Variants in PPP1R35 observed in about 807,000 individuals in gnomAD.
PPP1R35 encodes the protein protein phosphatase 1 regulatory subunit 35.
PPP1R35 carries 23 observed loss-of-function variants against 22.2 expected under a neutral mutation model. The observed-to-expected ratio is 1.04, with a 90% CI of 0.75 to 1.47. The LOEUF is 1.47. PPP1R35 is among the 40% of genes most tolerant of loss of function. The pLI is 0.00. For synonymous variants in PPP1R35, 198 were observed against 165.7 expected, an observed-to-expected ratio of 1.19 and a Z score of -1.50; for missense variants, 409 against 349.6, an observed-to-expected ratio of 1.17 and a Z score of -1.36.
chr7:100,435,747 T>G lies in PPP1R35; in HGVS notation c.472A>C (p.Lys158Gln), dbSNP rs1415637175. Reference sequence around the variant, plus strand: ...CTCACCAGGTCCCGGAAGAGCCGCTTGGAGCGCGGCACGTTCAGCCCTGAG... The same window carrying G: ...CTCACCAGGTCCCGGAAGAGCCGCTGGGAGCGCGGCACGTTCAGCCCTGAG... ...VSEGLNVPRS[K>Q]RLFRDLVSLQ... Residue 158 changes from lysine (K) to glutamine (Q), a missense_variant, in exon 3 of 4, where the codon AAG (lysine) becomes CAG (glutamine). Transcript: ENST00000292330. The G allele has an allele frequency of 8.1e-6, 13 of 1,601,002 alleles. No individual in the cohort carries two copies. Among genetic ancestry groups the G allele is most frequent in the Non-Finnish European group, 1.0e-5 (12 of 1,177,282 alleles).
At chr7:100,436,515 G>GCTGCTGACTCCGCCCC, upstream of PPP1R35, 2 of 510,034 alleles carry the variant, frequency 3.9e-6, no homozygotes, top group Non-Finnish European at 6.4e-6. Context: ...TCCTTCGGGG[G>GCTGCTGACTCCGCCCC]CGGAGTCAGC....
rs760659604 is a variant in PPP1R35 at position 100,436,304 on chromosome 7, G to T, written c.71C>A (p.Pro24Gln). 1 of 1,377,358 alleles carries T rather than the reference G, an allele frequency of 7.3e-7. No individual in the cohort carries two copies. Among genetic ancestry groups the T allele is most frequent in the East Asian group, 2.8e-5 (1 of 36,152 alleles). The allele number at this position is 1,377,358 out of a possible 1,614,324, so 85.3% of individuals were successfully genotyped here. Reference sequence around the variant, plus strand: ...TTGCGGGACTTGGGGCTCCGGGGGTGGCCCCGGGACCGCCGCGGCTTCTTC... The same window carrying T: ...TTGCGGGACTTGGGGCTCCGGGGGTTGCCCCGGGACCGCCGCGGCTTCTTC... ...DGEEAAAVPGPPPEPQVPQLR... is the reference protein window; with the variant it reads ...DGEEAAAVPGQPPEPQVPQLR... Residue 24 changes from proline to glutamine, a missense_variant, in exon 1 of 4, where the codon CCA (proline) becomes CAA (glutamine). Coordinates refer to ENST00000292330, the MANE Select transcript of PPP1R35 (RefSeq NM_145030.4).
In PPP1R35 at chr7:100,435,599, A is replaced by G. The variant is rs200346082; in HGVS notation, c.588+32T>C. 32 of 1,613,914 alleles carry G rather than the reference A, an allele frequency of 2.0e-5. No homozygotes were observed. The Admixed American group carries it at 3.5e-4, about 18-fold the overall frequency. ...AGGAAGGATCCGGGTAAGGGGGTAC[A>G]TGGAGGAAGCCCCACGCCCAGACCC... On this transcript the variant is annotated intron_variant, in intron 3 of 3. Transcript: ENST00000292330.
chr7:100,435,784 G>A lies in PPP1R35; in HGVS notation c.452-17C>T, dbSNP rs1584330979. 1 of 1,592,852 alleles carries A rather than the reference G, an allele frequency of 6.3e-7. No homozygotes were observed. The highest frequency in any genetic ancestry group is 8.5e-7 in the Non-Finnish European group (1 of 1,175,174). ...CGTTCAGCCCTGAGAGCGCAGCGGG[G>A]ACGGAGGTGAGTGGCGCGCCTCACC... On this transcript the variant is annotated splice_polypyrimidine_tract_variant and intron_variant, in intron 2 of 3. Coordinates refer to ENST00000292330, the MANE Select transcript of PPP1R35 (RefSeq NM_145030.4).
chr7:100,435,498 C>A lies in PPP1R35; in HGVS notation c.624G>T (p.Leu208Phe), dbSNP rs1470002993. 5 of 1,614,086 alleles carry A rather than the reference C, an allele frequency of 3.1e-6. No homozygotes were observed. The highest frequency in any genetic ancestry group is 4.2e-6 in the Non-Finnish European group (5 of 1,180,024). ...PPGPGPDMTILCDPETLFYES... is the reference protein window; with the variant it reads ...PPGPGPDMTIFCDPETLFYES... ...CATAAAATAGCGTTTCTGGGTCACACAAGATGGTCATGTCTGGCCCAGGCC... is the reference window on the plus strand; with the variant it reads ...CATAAAATAGCGTTTCTGGGTCACAAAAGATGGTCATGTCTGGCCCAGGCC... Residue 208 changes from leucine to phenylalanine, a missense_variant, in exon 4 of 4, where the codon TTG (leucine) becomes TTT (phenylalanine). Physicochemically the swap from Leu to Phe is conservative, Grantham distance 22. Transcript: ENST00000292330.
At position 100,435,350 on chromosome 7, in the gene PPP1R35, T is replaced by A. The variant is rs763991321; in HGVS notation, c.*10A>T. On this transcript the variant is annotated 3_prime_UTR_variant, in exon 4 of 4. Coordinates refer to ENST00000292330, the MANE Select transcript of PPP1R35 (RefSeq NM_145030.4). ...AAAATACGAACTAGCCCTCCAGGGA[T>A]CTTTGGGGTCTACGCTTCCCATCGC... is the stretch of plus-strand genomic sequence containing the variant. The A allele has an allele frequency of 1.5e-5, 24 of 1,582,224 alleles. No individual in the cohort carries two copies. The Admixed American group carries it at 4.6e-4, about 31-fold the overall frequency.
Position 100,435,298 on chromosome 7 carries a change from C to T in PPP1R35, c.*62G>A. 6.6e-7 allele frequency: 1 copy of T among 1,517,602 alleles called. No homozygotes were observed. Among genetic ancestry groups the T allele is most frequent in the Non-Finnish European group, 8.8e-7 (1 of 1,132,744 alleles). The allele number at this position is 1,517,602 out of a possible 1,614,324, so 94.0% of individuals were successfully genotyped here. On this transcript the variant is annotated 3_prime_UTR_variant, in exon 4 of 4. Transcript: ENST00000292330. ...AGAGTCCCATTTATTAGCAAAATTA[C>T]TTTATTCTAACAAATAGTTTAACAC...
Position 100,436,432 on chromosome 7 carries a change from G to T in PPP1R35, c.-58C>A. 2 of 1,301,602 alleles carry T rather than the reference G, an allele frequency of 1.5e-6. No individual in the cohort carries two copies. Among genetic ancestry groups the T allele is most frequent in the South Asian group, 1.5e-5 (1 of 64,926 alleles). 80.6% of individuals were successfully genotyped at this position (1,301,602 alleles called of 1,614,324 possible). A position where few individuals can be genotyped will look rare whatever the true frequency, so the allele number is the denominator to read the frequency against. On this transcript the variant is annotated 5_prime_UTR_variant, in exon 1 of 4. In the 5' UTR this introduces an upstream ATG that the reference lacks. Transcript: ENST00000292330. ...GGGGTCGCAGACGCTCCAACGGTCA[G>T]GGGACACAGCCTGGCTGCCGCCTCC...
chr7:100,436,494 C>A lies in PPP1R35; in HGVS notation c.-120G>T. ...CCTCCTAGACGCCGCTACCGGAAAC[C>A]GTTAACCCTTTCCTTCGGGGGCGGA... is the stretch of plus-strand genomic sequence containing the variant. On this transcript the variant is annotated 5_prime_UTR_variant, in exon 1 of 4. Coordinates refer to ENST00000292330, the MANE Select transcript of PPP1R35 (RefSeq NM_145030.4). 1.4e-6 allele frequency: 1 copy of A among 693,718 alleles called. No individual in the cohort carries two copies. The highest frequency in any genetic ancestry group is 2.2e-6 in the Non-Finnish European group (1 of 458,102). 43.0% of individuals were successfully genotyped at this position (693,718 alleles called of 1,614,324 possible).
In PPP1R35 at chr7:100,436,295, T is replaced by G; in HGVS notation, c.80A>C (p.Glu27Ala). 7.3e-7 allele frequency: 1 copy of G among 1,373,376 alleles called. No individual in the cohort carries two copies. The highest frequency in any genetic ancestry group is 9.5e-7 in the Non-Finnish European group (1 of 1,055,720). The allele number at this position is 1,373,376 out of a possible 1,614,324, so 85.1% of individuals were successfully genotyped here. The change falls in exon 1 of 4, where the codon GAG becomes GCG. Residue 27 changes from glutamate (E) to alanine (A), a missense_variant. By Grantham distance (107) the Glu-to-Ala change is moderately radical (BLOSUM62 -1). Coordinates refer to ENST00000292330, the MANE Select transcript of PPP1R35 (RefSeq NM_145030.4). Reference protein sequence around the residue: ...EAAAVPGPPPEPQVPQLRAPV... With the variant: ...EAAAVPGPPPAPQVPQLRAPV... ...GGCTCGGAGTTGCGGGACTTGGGGC[T>G]CCGGGGGTGGCCCCGGGACCGCCGC...
chr7:100,436,552 C>G (rs759796907), upstream of PPP1R35: 6 of 418,478 alleles, frequency 1.4e-5, no homozygotes, highest in Non-Finnish European at 2.1e-5. Context: ...TTGTCGCTCC[C>G]AGGCGTCATT....
chr7:100,436,441 G>C lies in PPP1R35; in HGVS notation c.-67C>G. On this transcript the variant is annotated 5_prime_UTR_variant, in exon 1 of 4. Transcript: ENST00000292330. ...GACGCTCCAACGGTCAGGGGACACA[G>C]CCTGGCTGCCGCCTCCTTTCCCCCG... is the stretch of plus-strand genomic sequence containing the variant. 8.4e-7 allele frequency: 1 copy of C among 1,193,236 alleles called. No individual in the cohort carries two copies. The highest frequency in any genetic ancestry group is 1.7e-5 in the South Asian group (1 of 58,458). 73.9% of individuals were successfully genotyped at this position (1,193,236 alleles called of 1,614,324 possible).
chr7:100,436,119 G>C, intron 1 of PPP1R35, 22 bp downstream of exon 1: 1 of 1,403,546 alleles, frequency 7.1e-7, no homozygotes, highest in South Asian at 1.5e-5. Context: ...TCGCGGGCCG[G>C]GGGCCAGCCT....
intron 2 of PPP1R35, 32 bp from the exon 3 acceptor site, chr7:100,435,799 C>T (rs772434160): frequency 8.8e-6 from 14 of 1,584,986 alleles, no homozygotes; most frequent in African/African-American, 1.3e-5. Flanking sequence ...AGGTGAGTGG[C>T]GCGCCTCACC....
rs1798858362 is a variant in PPP1R35, at chr7:100,435,729, G to A, written c.490C>T (p.Leu164=). ...VPRSKRLFRD[L]VSLQVPEEQV... is the part of the protein sequence containing the mutation. ...TCCTCCGGCACCTGCAGGCTCACCA[G>A]GTCCCGGAAGAGCCGCTTGGAGCGC... is the stretch of plus-strand genomic sequence containing the variant. The change falls in exon 3 of 4, where the codon CTG becomes TTG. Residue 164 remains leucine, a synonymous_variant. Coordinates refer to ENST00000292330, the MANE Select transcript of PPP1R35 (RefSeq NM_145030.4). The A allele has an allele frequency of 6.2e-7, 1 of 1,602,576 alleles. No individual in the cohort carries two copies. The highest frequency in any genetic ancestry group is 1.3e-5 in the African/African-American group (1 of 74,914).
chr7:100,435,628 CACCTTTGG>C lies in PPP1R35; in HGVS notation c.583_588+2del. 6.2e-7 allele frequency: 1 copy of C among 1,613,234 alleles called. No homozygotes were observed. The highest frequency in any genetic ancestry group is 8.5e-7 in the Non-Finnish European group (1 of 1,179,834). On this transcript the variant is annotated splice_donor_variant and coding_sequence_variant, in exon 3 of 4. Coordinates refer to ENST00000292330, the MANE Select transcript of PPP1R35 (RefSeq NM_145030.4). LOFTEE classifies it high-confidence loss of function. Reference sequence around the variant, plus strand: ...AGGAAGCCCCACGCCCAGACCCCATCACCTTTGGGTGCGGGGCTCGAGCCTGTGGCGGC... The same window carrying C: ...AGGAAGCCCCACGCCCAGACCCCATCGTGCGGGGCTCGAGCCTGTGGCGGC...
Position 100,435,710 on chromosome 7 carries a change from G to T in PPP1R35, c.509C>A (p.Pro170Gln). 6.2e-7 allele frequency: 1 copy of T among 1,604,016 alleles called. No homozygotes were observed. Reference sequence around the variant, plus strand: ...CGCGGCATTCAGAACCTGTTCCTCCGGCACCTGCAGGCTCACCAGGTCCCG... The same window carrying T: ...CGCGGCATTCAGAACCTGTTCCTCCTGCACCTGCAGGCTCACCAGGTCCCG... ...LFRDLVSLQV[P>Q]EEQVLNAALR... The change falls in exon 3 of 4, where the codon CCG becomes CAG. Residue 170 changes from proline to glutamine, a missense_variant. Coordinates refer to ENST00000292330, the MANE Select transcript of PPP1R35 (RefSeq NM_145030.4).
At position 100,436,322 on chromosome 7, in the gene PPP1R35, G is replaced by A. The variant is rs764884451; in HGVS notation, c.53C>T (p.Ala18Val). 4 of 1,392,292 alleles carry A rather than the reference G, an allele frequency of 2.9e-6. No homozygotes were observed. Among genetic ancestry groups the A allele is most frequent in the East Asian group, 5.5e-5 (2 of 36,272 alleles). 86.2% of individuals were successfully genotyped at this position (1,392,292 alleles called of 1,614,324 possible). A position where few individuals can be genotyped will look rare whatever the true frequency, so the allele number is the denominator to read the frequency against. ...CGGGGGTGGCCCCGGGACCGCCGCGGCTTCTTCCCCGTCCGCCGACTTCAG... is the reference window on the plus strand; with the variant it reads ...CGGGGGTGGCCCCGGGACCGCCGCGACTTCTTCCCCGTCCGCCGACTTCAG... The part of the protein sequence containing the change: ...SELKSADGEE[A>V]AAVPGPPPEP... The change falls in exon 1 of 4, where the codon GCC becomes GTC. Residue 18 changes from alanine (A) to valine (V), a missense_variant. Transcript: ENST00000292330.
rs370576870 is a variant in PPP1R35, at chr7:100,436,420, C to T, written c.-46G>A. 2,053 of 1,395,166 alleles carry T rather than the reference C, an allele frequency of 1.5e-3. 1 individual carries two copies. Among genetic ancestry groups the T allele is most frequent in the Non-Finnish European group, 1.8e-3 (1,874 of 1,042,186 alleles). 86.4% of individuals were successfully genotyped at this position (1,395,166 alleles called of 1,614,324 possible). On this transcript the variant is annotated 5_prime_UTR_variant, in exon 1 of 4. Coordinates refer to ENST00000292330, the MANE Select transcript of PPP1R35 (RefSeq NM_145030.4). ...TGCGGGGATGCGGGGGTCGCAGACG[C>T]TCCAACGGTCAGGGGACACAGCCTG...
Sources: gnomAD v4.1 joint callset for allele counts on GRCh38, gnomAD v4.1.1 for gene constraint, MANE v1.5 for transcripts, NCBI Gene and HGNC (gene_info 2026-07-23, HGNC 2026-07-21) for gene names.